The following ABCG1 variants were observed in gnomAD, a reference collection of about 807,000 sequenced individuals.
ABCG1 encodes the protein ATP-binding cassette sub-family G member 1.
ABCG1 carries 29 observed loss-of-function variants against 69.2 expected under a neutral mutation model. The ratio of observed to expected loss-of-function variants is 0.42; its 90% confidence interval spans 0.31 to 0.57. The LOEUF (loss-of-function observed/expected upper bound fraction) is 0.57, where lower values mean the gene tolerates loss of function less well. Among genes scored for constraint, ABCG1 ranks in the 20% least tolerant of loss-of-function variants. ABCG1 has a pLI of 0.15. For missense variants in ABCG1, 718 were observed against 898.1 expected (o/e 0.80, Z 2.56); for synonymous variants, 370 against 374.8 (o/e 0.99, Z 0.15).
At chr21:42,277,973 C>T (rs1383541843) in intron 5 of ABCG1, among the ~76,000 whole-genome samples, 2 of 152,214 alleles carry the variant, frequency 1.3e-5, no homozygotes, top group African/African-American at 4.8e-5. Flanking sequence ...TCAACTGTGC[C>T]CTTCAAAACT....
At chr21:42,269,077 G>A (rs949524755) in intron 2 of ABCG1, among the ~76,000 whole-genome samples, 3 of 152,218 alleles carry the variant, frequency 2.0e-5, no homozygotes, top group Admixed American at 2.0e-4. Context: ...CGTGGCCATA[G>A]TCAGATGATG....
rs1456010565 is a variant in ABCG1, at chr21:42,271,317, G to C, written c.404+130G>C. On this transcript the variant is annotated intron_variant, in intron 3 of 14. Transcript: ENST00000398449. ...GTCTACAGCAGTAGTCCAGGGGAGA[G>C]AGTGACATTGAGAGGCTGCACTTGC... 7.4e-6 allele frequency: 4 copies of C among 541,982 alleles called. No individual in the cohort carries two copies. In the Admixed American group the frequency reaches 1.2e-4, roughly 16 times the overall value. 33.6% of individuals were successfully genotyped at this position (541,982 alleles called of 1,614,324 possible).
At chr21:42,275,560 C>T (rs1252212716) in intron 4 of ABCG1, among the ~76,000 whole-genome samples, 1 of 152,220 alleles carries the variant, frequency 6.6e-6, no homozygotes, top group Non-Finnish European at 1.5e-5. Context: ...TTTGACTTCT[C>T]AGTAAGTTCT....
At chr21:42,259,258 C>T in intron 2 of ABCG1, 3 of 1,476,510 alleles carry the variant, frequency 2.0e-6, no homozygotes, top group South Asian at 1.4e-5. Context: ...CAAAGCACAG[C>T]CTGGAGACCA....
rs114087696 is a variant in ABCG1, at chr21:42,279,144, A to G, written c.588+2199A>G. On this transcript the variant is annotated intron_variant, in intron 5 of 14. Transcript: ENST00000398449. The stretch of plus-strand genomic sequence containing the variant: ...CGGATAGCCCTCCATCGAGGTCCCA[A>G]AGACCCCTCCAGATGCTGGCCTGCA... Among the ~76,000 whole-genome samples, 1,099 of 152,058 alleles carry G rather than the reference A, an allele frequency of 7.2e-3. 18 individuals are homozygous for G. The highest frequency in any genetic ancestry group is 0.026 in the African/African-American group (1,059 of 41,458).
At position 42,281,453 on chromosome 21, in the gene ABCG1, G is replaced by C. The variant is rs79096689; in HGVS notation, c.589-821G>C. ...ATCTGCTGACCTTCGTGTTCCCTGA[G>C]TCGATACAGGATCAATAATCCGGAG... is the stretch of plus-strand genomic sequence containing the variant. On this transcript the variant is annotated intron_variant, in intron 5 of 14. Coordinates refer to ENST00000398449, the MANE Select transcript of ABCG1 (RefSeq NM_016818.3). Among the ~76,000 whole-genome samples, 1,097 of 152,320 alleles carry C rather than the reference G, an allele frequency of 7.2e-3. 17 individuals are homozygous for C. The highest frequency in any genetic ancestry group is 0.025 in the African/African-American group (1,057 of 41,550).
intron 2 of ABCG1, among the ~76,000 whole-genome samples, chr21:42,201,947 G>T (rs892744995): frequency 1.3e-5 from 2 of 152,156 alleles, no homozygotes; most frequent in African/African-American, 4.8e-5. Flanking sequence ...CCCTCCAGGT[G>T]CCCCACCCTG....
In ABCG1 at chr21:42,219,146, C is replaced by T. The variant is rs2067678276; in HGVS notation, c.-117C>T. 3.0e-6 allele frequency: 3 copies of T among 987,770 alleles called. No homozygotes were observed. The highest frequency in any genetic ancestry group is 3.8e-6 in the Non-Finnish European group (3 of 784,894). The allele number at this position is 987,770 out of a possible 1,614,324, so 61.2% of individuals were successfully genotyped here. On this transcript the variant is annotated 5_prime_UTR_variant, in exon 1 of 15. Transcript: ENST00000398449. This position sits in a 1 kb window ranked among gnomAD's most constrained non-coding sequence, Gnocchi z 5.3. ...CCGGAGCCGGATCCCAGCCGGAGCC[C>T]AAGCGCAGCCCGCACCCCGCGCAGC...
chr21:42,263,631 C>T (rs117046649), intron 2 of ABCG1, among the ~76,000 whole-genome samples: 2,624 of 152,322 alleles, frequency 0.017, 37 homozygotes, highest in Middle Eastern at 0.034. Flanking sequence ...CCATTGTCTA[C>T]GGGTTTCCTG....
intron 2 of ABCG1, among the ~76,000 whole-genome samples, chr21:42,204,111 G>C (rs558766532): frequency 1.6e-4 from 24 of 152,318 alleles, no homozygotes; most frequent in African/African-American, 4.6e-4. Context: ...AACCTTGCTT[G>C]AACTCACTTA....
At position 42,274,475 on chromosome 21, in the gene ABCG1, C is replaced by CTTTT. The variant is rs57783276; in HGVS notation, c.537+1053_537+1056dup. Among the ~76,000 whole-genome samples the CTTTT allele has an allele frequency of 1.0e-3, 131 of 128,962 alleles. 1 individual carries two copies. The highest frequency in any genetic ancestry group is 1.1e-3 in the Admixed American group (14 of 12,770). The allele number at this position is 128,962 out of a possible 152,430, so 84.6% of individuals were successfully genotyped here. A position where few individuals can be genotyped will look rare whatever the true frequency, so the allele number is the denominator to read the frequency against. On this transcript the variant is annotated intron_variant, in intron 4 of 14. Coordinates refer to ENST00000398449, the MANE Select transcript of ABCG1 (RefSeq NM_016818.3). The stretch of plus-strand genomic sequence containing the variant: ...TGCCATGCATCTGGGTTTCCAGGGC[C>CTTTT]TTTTTTTTTTTTTTTTGGGGACAGA...
rs537600414 is a variant in ABCG1 at position 42,288,407 on chromosome 21, G to T, written c.1224+95G>T. ...GAATGTGTTCGTTCATTCTCACATT[G>T]CTATAAAGAAATTCATGAGGCCAGG... is the stretch of plus-strand genomic sequence containing the variant. On this transcript the variant is annotated intron_variant, in intron 10 of 14. Coordinates refer to ENST00000398449, the MANE Select transcript of ABCG1 (RefSeq NM_016818.3). The surrounding 1 kb of genome is among the most constrained non-coding windows in gnomAD (Gnocchi z 4.8). 6 of 927,194 alleles carry T rather than the reference G, an allele frequency of 6.5e-6. No individual in the cohort carries two copies. The African/African-American group carries it at 8.2e-5, about 13-fold the overall frequency. 57.4% of individuals were successfully genotyped at this position (927,194 alleles called of 1,614,324 possible). A position where few individuals can be genotyped will look rare whatever the true frequency, so the allele number is the denominator to read the frequency against.
chr21:42,273,254 G>A lies in ABCG1; in HGVS notation c.405-49G>A, dbSNP rs1320149927. Reference sequence around the variant, plus strand: ...CCCCTCTCCTGCCCCGGGAGGTGGAGGAGGAGCAGGAGCCCGGCTGACGGC... The same window carrying A: ...CCCCTCTCCTGCCCCGGGAGGTGGAAGAGGAGCAGGAGCCCGGCTGACGGC... On this transcript the variant is annotated intron_variant, in intron 3 of 14. Transcript: ENST00000398449. This position sits in a 1 kb window ranked among gnomAD's most constrained non-coding sequence, Gnocchi z 5.3. The A allele has an allele frequency of 1.3e-6, 2 of 1,579,782 alleles. No homozygotes were observed. Among genetic ancestry groups the A allele is most frequent in the South Asian group, 1.1e-5 (1 of 86,988 alleles).
intron 2 of ABCG1, among the ~76,000 whole-genome samples, chr21:42,269,957 CT>C (rs1185200818): frequency 3.9e-5 from 6 of 152,194 alleles, no homozygotes; most frequent in Non-Finnish European, 7.3e-5. Context: ...GGATTCTGAT[CT>C]GATACTACAC....
intron 13 of ABCG1, among the ~76,000 whole-genome samples, chr21:42,293,234 C>CT (rs2069118996): frequency 7.2e-6 from 1 of 138,320 alleles, no homozygotes. Context: ...ACACTACACA[C>CT]CACACACACA....
chr21:42,264,165 G>A (rs375148212), intron 2 of ABCG1, among the ~76,000 whole-genome samples: 4 of 152,166 alleles, frequency 2.6e-5, no homozygotes, highest in African/African-American at 9.7e-5. Flanking sequence ...TGGCCTTTAG[G>A]AGGAGCAGCT....
intron 2 of ABCG1, among the ~76,000 whole-genome samples, chr21:42,239,641 C>T (rs926682956): frequency 6.6e-6 from 1 of 152,178 alleles, no homozygotes; most frequent in African/African-American, 2.4e-5. Context: ...CTGTAAGTAG[C>T]AGAGCCAAGA....
At chr21:42,207,301 G>T (rs1467497234) in intron 2 of ABCG1, among the ~76,000 whole-genome samples, 2 of 152,084 alleles carry the variant, frequency 1.3e-5, no homozygotes, top group African/African-American at 4.8e-5. Context: ...CAGATTTGAT[G>T]ATTTCTATTG....
rs225374 is a variant in ABCG1, at chr21:42,251,523, C to T, written c.287-19547C>T. On this transcript the variant is annotated intron_variant, in intron 2 of 14. Coordinates refer to ENST00000398449, the MANE Select transcript of ABCG1 (RefSeq NM_016818.3). Reference sequence around the variant, plus strand: ...GGGGCCACAAAACTGGCTCGATGAGCGGGCAGGACAAGGTTGGGATGATAG... The same window carrying T: ...GGGGCCACAAAACTGGCTCGATGAGTGGGCAGGACAAGGTTGGGATGATAG... Among the ~76,000 whole-genome samples the T allele has an allele frequency of 4.0e-5, 6 of 151,862 alleles. No homozygotes were observed. The East Asian group carries it at 7.8e-4, about 20-fold the overall frequency.
Sources: allele counts gnomAD v4.1 joint callset (sites outside exome capture counted in the v4.1 genomes callset), GRCh38; gene constraint gnomAD v4.1.1; non-coding constraint Gnocchi (gnomAD v3.1); transcripts MANE v1.5; gene names NCBI Gene and HGNC (gene_info 2026-07-23, HGNC 2026-07-21).